Variants in WLS observed in about 807,000 individuals in gnomAD.
WLS encodes the protein Wnt ligand secretion mediator.
In WLS, 23 loss-of-function variants were observed where a neutral mutation model predicts 62.8. That is an observed-to-expected ratio of 0.37 (90% CI 0.26 to 0.52). The LOEUF (loss-of-function observed/expected upper bound fraction) is 0.52. Among genes scored for constraint, WLS ranks in the 20% least tolerant of loss-of-function variants. WLS has a pLI of 0.92. For missense variants in WLS, 615 were observed against 697.3 expected (o/e 0.88, Z 1.33); for synonymous variants, 246 against 244.1 (o/e 1.01, Z -0.07).
intron 10 of WLS, among the ~76,000 whole-genome samples, chr1:68,143,878 C>T (rs1312523492): frequency 6.6e-6 from 1 of 152,172 alleles, no homozygotes; most frequent in Non-Finnish European, 1.5e-5. Flanking sequence ...CATCCACAGT[C>T]CTATCCAGCT....
At chr1:68,141,108 C>T (rs1646679906) in intron 10 of WLS, among the ~76,000 whole-genome samples, 1 of 152,152 alleles carries the variant, frequency 6.6e-6, no homozygotes, top group Non-Finnish European at 1.5e-5. Context: ...AATTATACCC[C>T]TGGAGCCAAG....
intron 11 of WLS, among the ~76,000 whole-genome samples, chr1:68,109,994 A>T (rs1223649103): frequency 7.6e-6 from 1 of 131,572 alleles, no homozygotes; most frequent in Non-Finnish European, 1.6e-5. Context: ...GCACTGGAAC[A>T]CAACACAAAA....
intron 1 of WLS, among the ~76,000 whole-genome samples, chr1:68,223,255 CTTAT>C (rs1650012678): frequency 1.3e-5 from 2 of 152,106 alleles, no homozygotes. Context: ...GACTTGTGTT[CTTAT>C]TTGTTAGTTT....
intron 1 of WLS, among the ~76,000 whole-genome samples, chr1:68,228,015 C>T (rs1371151928): frequency 1.3e-5 from 2 of 152,172 alleles, no homozygotes; most frequent in Admixed American, 6.5e-5. Flanking sequence ...CTAGCACAAT[C>T]GTGTGGGCTA....
intron 11 of WLS, among the ~76,000 whole-genome samples, chr1:68,106,694 A>G (rs1646148587): frequency 6.6e-6 from 1 of 150,936 alleles, no homozygotes; most frequent in South Asian, 2.1e-4. Context: ...GCACCTGGAA[A>G]CGCGTGTGCA....
intron 10 of WLS, among the ~76,000 whole-genome samples, chr1:68,139,746 G>C (rs189095219): frequency 1.3e-5 from 2 of 152,232 alleles, no homozygotes; most frequent in East Asian, 1.9e-4. Flanking sequence ...AGTGGTGCTC[G>C]ATAGACATAT....
chr1:68,156,385 T>C (rs1646899573), intron 3 of WLS, among the ~76,000 whole-genome samples: 1 of 152,160 alleles, frequency 6.6e-6, no homozygotes, highest in South Asian at 2.1e-4. Flanking sequence ...AGAAAGAAGA[T>C]AACAAAGAGT....
In WLS at chr1:68,125,504, T is replaced by C; in HGVS notation, c.*722A>G. The C allele has an allele frequency of 1.0e-6, 1 of 985,450 alleles. No individual in the cohort carries two copies. The highest frequency in any genetic ancestry group is 1.2e-6 in the Non-Finnish European group (1 of 829,932). 61.0% of individuals were successfully genotyped at this position (985,450 alleles called of 1,614,324 possible). ...TTTAAGCAAGAAGTTAAAAAAGCTT[T>C]TCAGACCCGAAGGCCATTTAATACA... is the stretch of plus-strand genomic sequence containing the variant. On this transcript the variant is annotated 3_prime_UTR_variant, in exon 12 of 12. Transcript: ENST00000262348.
rs1392524824 is a variant in WLS, at chr1:68,159,135, G to A, written c.492C>T (p.Phe164=). The A allele has an allele frequency of 6.2e-7, 1 of 1,614,090 alleles. No individual in the cohort carries two copies. The highest frequency in any genetic ancestry group is 8.5e-7 in the Non-Finnish European group (1 of 1,180,004). ...CAAGGGGTCATACCTTGGGAGATGT[G>A]AAGGTGCATTTGAGTTTCCGTGGTA... ...ERVPRKLKCT[F]TSPKTPEHEG... The change falls in exon 3 of 12, where the codon TTC becomes TTT. Residue 164 remains phenylalanine, a synonymous_variant. Transcript: ENST00000262348.
intron 11 of WLS, among the ~76,000 whole-genome samples, chr1:68,137,515 T>C (rs1646627945): frequency 6.6e-6 from 1 of 152,192 alleles, no homozygotes; most frequent in South Asian, 2.1e-4. Flanking sequence ...TGTTCTAAAA[T>C]CAAGACATAT....
chr1:68,115,657 CTTG>C (rs981287994), intron 11 of WLS, among the ~76,000 whole-genome samples: 22 of 152,266 alleles, frequency 1.4e-4, no homozygotes, highest in East Asian at 5.8e-4. Context: ...CGCTATTACT[CTTG>C]TTGTTGCTTG....
rs755628778 is a variant in WLS at position 68,127,233 on chromosome 1, C to T, written c.1517-898G>A. The T allele has an allele frequency of 4.3e-5, 9 of 208,698 alleles. 1 individual carries two copies. The highest frequency in any genetic ancestry group is 2.2e-4 in the South Asian group (4 of 18,478). 12.9% of individuals were successfully genotyped at this position (208,698 alleles called of 1,614,324 possible). A position where few individuals can be genotyped will look rare whatever the true frequency, so the allele number is the denominator to read the frequency against. On this transcript the variant is annotated intron_variant, in intron 11 of 11. Coordinates refer to ENST00000262348, the MANE Select transcript of WLS (RefSeq NM_024911.7). ...AATAAACTACAAAGCATCTATGTCA[C>T]GTGAAAGCAAATAAGACCTGCTTAT...
At chr1:68,195,245 G>C (rs1262916515) in intron 1 of WLS, among the ~76,000 whole-genome samples, 1 of 152,194 alleles carries the variant, frequency 6.6e-6, no homozygotes, top group Non-Finnish European at 1.5e-5. Flanking sequence ...GAGGCGACCT[G>C]TCTGGTGTCA....
intron 2 of WLS, chr1:68,162,908 G>A (rs373878979): frequency 1.1e-5 from 17 of 1,568,770 alleles, no homozygotes; most frequent in Admixed American, 3.3e-5. Context: ...TGGACTGCGC[G>A]TCACAGAAGG....
At chr1:68,152,337 A>AC (rs1290379181) in intron 5 of WLS, among the ~76,000 whole-genome samples, 1 of 136,476 alleles carries the variant, frequency 7.3e-6, no homozygotes, top group Non-Finnish European at 1.6e-5. Context: ...GGTGAAATCA[A>AC]CCCCCCTAGG....
chr1:68,181,589 G>A (rs987507750), intron 2 of WLS, among the ~76,000 whole-genome samples: 1 of 152,176 alleles, frequency 6.6e-6, no homozygotes, highest in African/African-American at 2.4e-5. Flanking sequence ...AAGGATCTTA[G>A]AGTCCGCTGT....
intron 1 of WLS, among the ~76,000 whole-genome samples, chr1:68,222,626 G>T: frequency 6.6e-6 from 1 of 152,096 alleles, no homozygotes; most frequent in East Asian, 1.9e-4. Context: ...TCCAAGCCAT[G>T]GCTCCACCTC....
At chr1:68,151,954 C>T (rs1423039795) in intron 5 of WLS, among the ~76,000 whole-genome samples, 2 of 152,086 alleles carry the variant, frequency 1.3e-5, no homozygotes, top group Non-Finnish European at 2.9e-5. Flanking sequence ...GAGGCTGTTC[C>T]CACTGATCCA....
intron 5 of WLS, among the ~76,000 whole-genome samples, 187 bp downstream of exon 5, chr1:68,153,330 G>A (rs756292180): frequency 3.9e-5 from 6 of 152,092 alleles, no homozygotes; most frequent in East Asian, 1.9e-4. Flanking sequence ...GTAGAACCCC[G>A]AGGATTTACT....
Sources: allele counts gnomAD v4.1 joint callset (sites outside exome capture counted in the v4.1 genomes callset), GRCh38; gene constraint gnomAD v4.1.1; transcripts MANE v1.5; gene names NCBI Gene and HGNC (gene_info 2026-07-23, HGNC 2026-07-21).